XKR6: variants seen among roughly 807,000 people sequenced by gnomAD.
The protein encoded by XKR6 is XK-related protein 6.
In XKR6, 22 loss-of-function variants were observed where a neutral mutation model predicts 56.7. That is an observed-to-expected ratio of 0.39 (90% CI 0.28 to 0.55). XKR6 has a LOEUF of 0.55. XKR6 is among the 20% of genes least tolerant of loss of function. The pLI, the probability that XKR6 is intolerant of heterozygous loss-of-function variation, is 0.66. For synonymous variants in XKR6, 524 were observed against 387.8 expected (o/e 1.35, Z -4.13); for missense variants, 852 against 889.0 (o/e 0.96, Z 0.53).
intron 1 of XKR6, among the ~76,000 whole-genome samples, chr8:11,071,584 TCCATGAGCCCC>T (rs1274673957): frequency 1.1e-3 from 148 of 139,092 alleles, no homozygotes; most frequent in African/African-American, 3.9e-3. Context: ...GAGCCCCGAG[TCCATGAGCCCC>T]GAGTCTATCA....
intron 1 of XKR6, among the ~76,000 whole-genome samples, chr8:11,167,890 T>TAAAAAA (rs34853825): frequency 9.2e-6 from 1 of 108,378 alleles, no homozygotes; most frequent in Non-Finnish European, 1.9e-5. Flanking sequence ...CCCCATCTCT[T>TAAAAAA]AAAAAAAAAA....
Position 10,971,729 on chromosome 8 carries a change from C to T in XKR6, c.765-46899G>A, listed in dbSNP as rs536622244. Among the ~76,000 whole-genome samples the T allele has an allele frequency of 8.5e-5, 13 of 152,234 alleles. 1 individual carries two copies. The highest frequency in any genetic ancestry group is 3.1e-4 in the African/African-American group (13 of 41,552). On this transcript the variant is annotated intron_variant, in intron 1 of 2. Coordinates refer to ENST00000416569, the MANE Select transcript of XKR6 (RefSeq NM_173683.4). Reference sequence around the variant, plus strand: ...CTTGCCAATGGGGACACTAAAGTCCCAAAGAGAGGACGGATGTGGGCTCTG... The same window carrying T: ...CTTGCCAATGGGGACACTAAAGTCCTAAAGAGAGGACGGATGTGGGCTCTG...
rs114048740 is a variant in XKR6, at chr8:10,967,144, A to G, written c.765-42314T>C. Among the ~76,000 whole-genome samples the G allele has an allele frequency of 6.4e-3, 973 of 152,322 alleles. 9 individuals are homozygous for G. Among genetic ancestry groups the G allele is most frequent in the African/African-American group, 0.023 (938 of 41,556 alleles). Reference sequence around the variant, plus strand: ...GACAGTGCGTGATCCTCGGATATAGAGACCCCTCCTGCCCATACTCACTGG... The same window carrying G: ...GACAGTGCGTGATCCTCGGATATAGGGACCCCTCCTGCCCATACTCACTGG... On this transcript the variant is annotated intron_variant, in intron 1 of 2. Transcript: ENST00000416569.
At chr8:11,111,936 G>C (rs1292682247) in intron 1 of XKR6, 1 of 152,052 alleles carries the variant, frequency 6.6e-6, no homozygotes, top group Non-Finnish European at 1.5e-5. Flanking sequence ...TCAAAGGAAA[G>C]ACTTTCTTAG....
At chr8:11,134,668 C>A (rs114887421) in intron 1 of XKR6, among the ~76,000 whole-genome samples, 2 of 151,792 alleles carry the variant, frequency 1.3e-5, no homozygotes, top group Non-Finnish European at 2.9e-5. Flanking sequence ...CTGGTACAAC[C>A]GTTTATGAAG....
chr8:10,974,349 G>C (rs1802492024), intron 1 of XKR6, among the ~76,000 whole-genome samples: 1 of 152,232 alleles, frequency 6.6e-6, no homozygotes. Flanking sequence ...CACAGTCACA[G>C]TGAGACCATT....
intron 1 of XKR6, among the ~76,000 whole-genome samples, chr8:11,016,999 G>A (rs558764507): frequency 2.4e-4 from 37 of 152,360 alleles, no homozygotes; most frequent in Admixed American, 1.2e-3. Flanking sequence ...AGACTGATAA[G>A]ATGAAAGATG....
chr8:10,949,965 C>T (rs902294758), intron 1 of XKR6, among the ~76,000 whole-genome samples: 3 of 152,192 alleles, frequency 2.0e-5, no homozygotes, highest in Non-Finnish European at 4.4e-5. Context: ...TGGCCCTCTC[C>T]TGGCTCCTCT....
At chr8:11,059,244 C>G (rs6997523) in intron 1 of XKR6, among the ~76,000 whole-genome samples, 35,280 of 152,258 alleles carry the variant, frequency 0.23, 4,251 homozygotes, top group Middle Eastern at 0.31. Flanking sequence ...TGGCCAGCGT[C>G]GTGTAGGCCG....
chr8:11,102,041 C>T (rs936467590), intron 1 of XKR6, among the ~76,000 whole-genome samples: 5 of 152,174 alleles, frequency 3.3e-5, no homozygotes, highest in African/African-American at 1.2e-4. Flanking sequence ...TTAGAAACAG[C>T]GAGGGCTTCT....
intron 1 of XKR6, among the ~76,000 whole-genome samples, chr8:10,955,249 T>C (rs1353021774): frequency 1.3e-5 from 2 of 152,214 alleles, no homozygotes; most frequent in East Asian, 1.9e-4. Context: ...TGCTGCTCAC[T>C]GCAGTCTTGA....
At chr8:11,139,849 G>C (rs1040386083) in intron 1 of XKR6, among the ~76,000 whole-genome samples, 1 of 152,112 alleles carries the variant, frequency 6.6e-6, no homozygotes, top group African/African-American at 2.4e-5. Context: ...AACTTACTAC[G>C]AGAGAAAGAT....
Position 11,081,738 on chromosome 8 carries a change from G to GGA in XKR6, c.764+118836_764+118837dup, listed in dbSNP as rs148292096. On this transcript the variant is annotated intron_variant, in intron 1 of 2. Coordinates refer to ENST00000416569, the MANE Select transcript of XKR6 (RefSeq NM_173683.4). ...CAAGAATAGTCTCTGTCAGTTCAGT[G>GGA]GAGAGAGAGAGAGAAGCTTTAATGG... is the stretch of plus-strand genomic sequence containing the variant. 4.6e-5 allele frequency among the ~76,000 whole-genome samples: 7 copies of GGA among 151,952 alleles called. No individual in the cohort carries two copies. The East Asian group carries it at 9.6e-4, about 21-fold the overall frequency.
chr8:11,201,474 GA>G lies in XKR6; in HGVS notation c.-136del. ...GGAGGAAGCGGGGGAGCAAACGAAC[GA>G]GGGGGGAGTGGGCCAGGGAACCCCC... On this transcript the variant is annotated 5_prime_UTR_variant, in exon 1 of 3. Transcript: ENST00000416569. 1.8e-6 allele frequency: 1 copy of G among 571,186 alleles called. No individual in the cohort carries two copies. 35.4% of individuals were successfully genotyped at this position (571,186 alleles called of 1,614,324 possible).
At chr8:11,151,292 A>AC (rs1397463859) in intron 1 of XKR6, among the ~76,000 whole-genome samples, 1 of 152,188 alleles carries the variant, frequency 6.6e-6, no homozygotes. Flanking sequence ...TTGAACTTTA[A>AC]CCCAAGTTCA....
intron 1 of XKR6, among the ~76,000 whole-genome samples, chr8:10,992,657 C>G (rs1232630123): frequency 1.3e-5 from 2 of 148,218 alleles, no homozygotes; most frequent in African/African-American, 5.1e-5. Flanking sequence ...TAGAGCAGAT[C>G]CCCCTCTCAC....
intron 1 of XKR6, among the ~76,000 whole-genome samples, chr8:10,940,442 G>T (rs1026595313): frequency 2.6e-5 from 4 of 152,202 alleles, no homozygotes; most frequent in Non-Finnish European, 5.9e-5. Context: ...TGCAGCCCCA[G>T]GAAGCCATGG....
In XKR6 at chr8:10,974,726, C is replaced by A. The variant is rs567007280; in HGVS notation, c.765-49896G>T. On this transcript the variant is annotated intron_variant, in intron 1 of 2. Transcript: ENST00000416569. ...TTACCCCAGTGAGGTTCTCCTTCTT[C>A]TCCAGGAGGTGCTTCCATAGAAAAA... Among the ~76,000 whole-genome samples the A allele has an allele frequency of 2.0e-5, 3 of 152,302 alleles. No homozygotes were observed. The South Asian group carries it at 6.2e-4, about 32-fold the overall frequency.
chr8:11,036,994 G>T (rs1359825118), intron 1 of XKR6, among the ~76,000 whole-genome samples: 2 of 152,192 alleles, frequency 1.3e-5, no homozygotes, highest in African/African-American at 4.8e-5. Flanking sequence ...GGGTATGAAA[G>T]CCAGCTGAAA....
Sources: gnomAD v4.1 joint callset for allele counts (sites outside exome capture counted in the v4.1 genomes callset) on GRCh38, gnomAD v4.1.1 for gene constraint, MANE v1.5 for transcripts, NCBI Gene and HGNC (gene_info 2026-07-23, HGNC 2026-07-21) for gene names.